The following CRHR1 variants were observed in gnomAD, a reference collection of about 807,000 sequenced individuals.
CRHR1 encodes corticotropin-releasing hormone receptor 1.
CRHR1 carries 28 observed loss-of-function variants against 56.0 expected under a neutral mutation model. That is an observed-to-expected ratio of 0.50 (90% CI 0.37 to 0.69). CRHR1 has a LOEUF of 0.69. Among genes scored for constraint, CRHR1 ranks in the 30% least tolerant of loss-of-function variants. The probability of loss-of-function intolerance (pLI) is 0.00; values close to 1 mark genes in which losing one functional copy is unlikely to be tolerated. For synonymous variants in CRHR1, 195 were observed against 216.5 expected, an observed-to-expected ratio of 0.90 and a Z score of 0.87; for missense variants, 376 against 548.0, an observed-to-expected ratio of 0.69 and a Z score of 3.13.
chr17:45,833,986 C>T (rs1876830), intron 11 of CRHR1, 21 bp from the exon 12 acceptor site: 303,666 of 1,612,134 alleles, frequency 0.19, 32,769 homozygotes, highest in Non-Finnish European at 0.22. Flanking sequence ...CGACCTTTGA[C>T]GCCTCCTCTC....
intron 1 of CRHR1, among the ~76,000 whole-genome samples, chr17:45,790,090 C>G (rs1023943269): frequency 1.5e-4 from 23 of 152,150 alleles, no homozygotes; most frequent in African/African-American, 5.6e-4. Context: ...GAATCTCTTC[C>G]TGCGTCAGAG....
chr17:45,806,960 C>A, intron 1 of CRHR1, 50 bp from the exon 2 acceptor site: 2 of 1,546,814 alleles, frequency 1.3e-6, no homozygotes, highest in East Asian at 2.3e-5. Context: ...GCAACATGCT[C>A]ATGGCTCATG....
At chr17:45,787,031 A>G (rs1265756771) in intron 1 of CRHR1, among the ~76,000 whole-genome samples, 6 of 152,148 alleles carry the variant, frequency 3.9e-5, no homozygotes, top group Admixed American at 2.6e-4. Flanking sequence ...GAGAGTACAA[A>G]TCTAGGGGAT....
intron 1 of CRHR1, among the ~76,000 whole-genome samples, chr17:45,789,922 A>G (rs921248004): frequency 1.7e-4 from 26 of 152,364 alleles, no homozygotes; most frequent in African/African-American, 6.0e-4. Flanking sequence ...GTGTGAAATT[A>G]TGCACAGTTG....
chr17:45,803,778 G>A (rs894319574), intron 1 of CRHR1, among the ~76,000 whole-genome samples: 7 of 145,190 alleles, frequency 4.8e-5, no homozygotes, highest in African/African-American at 1.8e-4. Context: ...GTGTGTGTGC[G>A]TGCGCGTGCG....
intron 1 of CRHR1, among the ~76,000 whole-genome samples, chr17:45,795,504 T>A (rs907313743): frequency 1.3e-5 from 2 of 152,182 alleles, no homozygotes; most frequent in African/African-American, 4.8e-5. Flanking sequence ...ACCCATTAAA[T>A]GCCAGTCGCA....
chr17:45,808,414 A>T (rs2061758693), intron 2 of CRHR1, among the ~76,000 whole-genome samples: 1 of 152,200 alleles, frequency 6.6e-6, no homozygotes, highest in Admixed American at 6.5e-5. Context: ...GCTGGCTCAC[A>T]GAAGGTGCCT....
intron 1 of CRHR1, among the ~76,000 whole-genome samples, chr17:45,787,913 G>A (rs980103780): frequency 2.6e-5 from 4 of 152,204 alleles, no homozygotes; most frequent in African/African-American, 9.7e-5. Flanking sequence ...CAGACTGGGG[G>A]CAAAGACAGG....
At chr17:45,828,751 A>T (rs2062223415) in intron 4 of CRHR1, among the ~76,000 whole-genome samples, 1 of 152,154 alleles carries the variant, frequency 6.6e-6, no homozygotes, top group Non-Finnish European at 1.5e-5. Context: ...TTGCAGCAGG[A>T]GGGATTTAGG....
intron 4 of CRHR1, among the ~76,000 whole-genome samples, chr17:45,823,356 GA>G (rs2062085858): frequency 6.8e-6 from 1 of 148,100 alleles, no homozygotes; most frequent in East Asian, 2.0e-4. Flanking sequence ...CTGGGGCCCA[GA>G]AAAGGGGAAT....
chr17:45,828,326 C>T (rs944528780), intron 4 of CRHR1, among the ~76,000 whole-genome samples: 4 of 152,188 alleles, frequency 2.6e-5, no homozygotes, highest in South Asian at 2.1e-4. Context: ...TGGAGTTGCG[C>T]GACCTCCAGC....
chr17:45,832,593 C>T (rs1296803852), intron 8 of CRHR1, among the ~76,000 whole-genome samples: 1 of 152,242 alleles, frequency 6.6e-6, no homozygotes, highest in Non-Finnish European at 1.5e-5. Flanking sequence ...CCCCAGGCCT[C>T]CCTGGAGCTT....
chr17:45,794,616 C>T (rs56319902), intron 1 of CRHR1, among the ~76,000 whole-genome samples: 21,552 of 152,268 alleles, frequency 0.14, 2,106 homozygotes, highest in Middle Eastern at 0.22. Context: ...AGACCCCTTA[C>T]CCAGTGGCGG....
At chr17:45,813,156 G>C (rs1368117631) in intron 2 of CRHR1, among the ~76,000 whole-genome samples, 2 of 152,194 alleles carry the variant, frequency 1.3e-5, no homozygotes, top group African/African-American at 4.8e-5. Flanking sequence ...GCAGTCCCAG[G>C]CCGGGAAGTC....
chr17:45,788,297 C>T (rs1350070761), intron 1 of CRHR1, among the ~76,000 whole-genome samples: 3 of 152,200 alleles, frequency 2.0e-5, no homozygotes, highest in South Asian at 4.1e-4. Context: ...AGGTAGGTCA[C>T]CTTCCCTCTC....
At chr17:45,800,364 G>C (rs888400576) in intron 1 of CRHR1, 3 of 152,220 alleles carry the variant, frequency 2.0e-5, no homozygotes, top group Non-Finnish European at 2.9e-5. Context: ...GCCAGGTCCA[G>C]CCTGCGGGGC....
At chr17:45,828,311 G>A (rs968402887) in intron 4 of CRHR1, among the ~76,000 whole-genome samples, 1 of 152,186 alleles carries the variant, frequency 6.6e-6, no homozygotes, top group Non-Finnish European at 1.5e-5. Context: ...GGCAAGAGGT[G>A]GTTTTGGAGT....
chr17:45,831,434 A>T (rs981942775), intron 8 of CRHR1, among the ~76,000 whole-genome samples: 5 of 152,248 alleles, frequency 3.3e-5, no homozygotes, highest in African/African-American at 1.2e-4. Flanking sequence ...AAGTGGACCT[A>T]GATGATCTCA....
intron 2 of CRHR1, among the ~76,000 whole-genome samples, chr17:45,810,363 C>T (rs1366919487): frequency 1.3e-5 from 2 of 152,292 alleles, no homozygotes; most frequent in East Asian, 3.9e-4. Context: ...GTGCTTTAAT[C>T]TCATTCAATC....
Sources: gnomAD v4.1 joint callset for allele counts (sites outside exome capture counted in the v4.1 genomes callset) on GRCh38, gnomAD v4.1.1 for gene constraint, MANE v1.5 for transcripts, NCBI Gene and HGNC (gene_info 2026-07-23, HGNC 2026-07-21) for gene names.